The following BLM variants were observed in gnomAD, a reference collection of about 807,000 sequenced individuals.
BLM encodes the protein BLM RecQ like helicase, also known as recQ-like DNA helicase BLM.
Under a neutral mutation model 135.3 loss-of-function variants are expected in BLM, and 95 were observed. The ratio of observed to expected loss-of-function variants is 0.70; its 90% CI spans 0.59 to 0.83. The LOEUF is 0.83. Ranked by LOEUF, BLM falls within the 40% of genes least tolerant of loss-of-function variation. The probability of loss-of-function intolerance (pLI) is 0.00; values close to 1 mark genes in which losing one functional copy is unlikely to be tolerated. For synonymous variants in BLM, 520 were observed against 589.2 expected, an observed-to-expected ratio of 0.88 and a Z score of 1.70; for missense variants, 1,518 against 1,663.9, an observed-to-expected ratio of 0.91 and a Z score of 1.53.
At position 90,749,813 on chromosome 15, in the gene BLM, C is replaced by G. The variant is rs749838731; in HGVS notation, c.545C>G (p.Thr182Ser). The change falls in exon 3 of 22, where the codon ACT becomes AGT. Residue 182 changes from threonine (T) to serine (S), a missense_variant. By Grantham distance (58) the Thr-to-Ser change is moderately conservative. Coordinates refer to ENST00000355112, the MANE Select transcript of BLM (RefSeq NM_000057.4). ...CAAAGTCACTTTGTAAGAGTAAGCA[C>G]TGCTCAGAAATCAAAAAAGGGTAAG... Reference protein sequence around the residue: ...PPQSHFVRVSTAQKSKKGKRN... With the variant: ...PPQSHFVRVSSAQKSKKGKRN... 1 of 1,601,670 alleles carries G rather than the reference C, an allele frequency of 6.2e-7. No homozygotes were observed. The highest frequency in any genetic ancestry group is 1.1e-5 in the South Asian group (1 of 89,152).
At chr15:90,795,364 C>G (rs1897004754) in intron 16 of BLM, among the ~76,000 whole-genome samples, 1 of 152,164 alleles carries the variant, frequency 6.6e-6, no homozygotes, top group African/African-American at 2.4e-5. Context: ...CCTGTAATCC[C>G]AGCTACTTGG....
In BLM at chr15:90,764,135, A is replaced by AT. The variant is rs796848988; in HGVS notation, c.2074+988dup. Among the ~76,000 whole-genome samples, 296 of 148,758 alleles carry AT rather than the reference A, an allele frequency of 2.0e-3. 2 individuals carry two copies. The highest frequency in any genetic ancestry group is 5.9e-3 in the African/African-American group (241 of 40,610). The stretch of plus-strand genomic sequence containing the variant: ...ACCTTGGCAATGATCTAATCCATTG[A>AT]TTTTTTTTTTCCAGGGCTTCCCATT... On this transcript the variant is annotated intron_variant, in intron 8 of 21. Transcript: ENST00000355112.
At position 90,751,936 on chromosome 15, in the gene BLM, A is replaced by G; in HGVS notation, c.949A>G (p.Lys317Glu). 6.2e-7 allele frequency: 1 copy of G among 1,611,436 alleles called. No homozygotes were observed. Residue 317 changes from lysine (K) to glutamate (E), a missense_variant, in exon 4 of 22, where the codon AAA becomes GAA. Physicochemically the swap from Lys to Glu is moderately conservative, Grantham distance 56. Coordinates refer to ENST00000355112, the MANE Select transcript of BLM (RefSeq NM_000057.4). ...EIISASSSSSKCLSTLKDLDT... is the reference protein window; with the variant it reads ...EIISASSSSSECLSTLKDLDT... ...TATTTCTGCTTCTTCTTCCTCTTCA[A>G]AATGCCTTAGGTAAACTAGCTAAAT...
intron 8 of BLM, among the ~76,000 whole-genome samples, chr15:90,763,833 TA>T (rs1216707475): frequency 6.6e-6 from 1 of 152,238 alleles, no homozygotes; most frequent in Non-Finnish European, 1.5e-5. Context: ...ATGAGAATAT[TA>T]AATCAACAGG....
chr15:90,769,261 C>T (rs1339695685), intron 11 of BLM, 30 bp downstream of exon 11: 2 of 1,562,458 alleles, frequency 1.3e-6, no homozygotes, highest in South Asian at 1.1e-5. Flanking sequence ...TCCGGAAATA[C>T]CGATAAATAC....
intron 12 of BLM, among the ~76,000 whole-genome samples, chr15:90,782,040 A>G (rs1436504657): frequency 2.6e-5 from 4 of 152,040 alleles, no homozygotes; most frequent in Non-Finnish European, 5.9e-5. Context: ...CCTTAGCCTT[A>G]CTTCCATTTC....
intron 21 of BLM, among the ~76,000 whole-genome samples, 181 bp from the exon 22 acceptor site, chr15:90,814,921 G>T (rs1439154890): frequency 6.6e-6 from 1 of 152,078 alleles, no homozygotes; most frequent in Non-Finnish European, 1.5e-5. Flanking sequence ...GAAGGGCCGC[G>T]GTCCTTTATT....
intron 5 of BLM, chr15:90,755,365 G>A: frequency 5.5e-6 from 1 of 182,994 alleles, no homozygotes; most frequent in Non-Finnish European, 1.1e-5. Flanking sequence ...AACTCTCCTT[G>A]CTAGAAATTG....
intron 1 of BLM, among the ~76,000 whole-genome samples, chr15:90,739,159 G>T (rs1044963444): frequency 6.6e-5 from 10 of 152,154 alleles, no homozygotes; most frequent in Non-Finnish European, 1.2e-4. Flanking sequence ...CCTTTGGGAG[G>T]CTGAGACAGG....
intron 1 of BLM, among the ~76,000 whole-genome samples, chr15:90,735,921 A>G (rs1895202653): frequency 6.6e-6 from 1 of 152,214 alleles, no homozygotes; most frequent in Non-Finnish European, 1.5e-5. Flanking sequence ...CTAAATTGAG[A>G]GAAAAAAATA....
rs571074638 is a variant in BLM, at chr15:90,752,796, G to T, written c.959+850G>T. Among the ~76,000 whole-genome samples, 4 of 152,290 alleles carry T rather than the reference G, an allele frequency of 2.6e-5. No homozygotes were observed. The South Asian group carries it at 8.3e-4, about 32-fold the overall frequency. Reference sequence around the variant, plus strand: ...GTCTCACTCTCAGACCAGTTGAGTGGTAGAGTATAGTATATACTAAACTGA... The same window carrying T: ...GTCTCACTCTCAGACCAGTTGAGTGTTAGAGTATAGTATATACTAAACTGA... On this transcript the variant is annotated intron_variant, in intron 4 of 21. Coordinates refer to ENST00000355112, the MANE Select transcript of BLM (RefSeq NM_000057.4).
In BLM at chr15:90,769,242, T is replaced by A. The variant is rs1896228357; in HGVS notation, c.2406+11T>A. 6.3e-7 allele frequency: 1 copy of A among 1,595,366 alleles called. No individual in the cohort carries two copies. The stretch of plus-strand genomic sequence containing the variant: ...CATTGTGTCAGTCAGGTAAATACTG[T>A]TTTTTATATCCGGAAATACCGATAA... On this transcript the variant is annotated intron_variant, in intron 11 of 21. Coordinates refer to ENST00000355112, the MANE Select transcript of BLM (RefSeq NM_000057.4).
At chr15:90,805,265 GTTATATA>G (rs1266021773) in intron 19 of BLM, among the ~76,000 whole-genome samples, 211 of 60,080 alleles carry the variant, frequency 3.5e-3, no homozygotes, top group African/African-American at 7.3e-3. Context: ...CCCTATGTAT[GTTATATA>G]TGGTATAATT....
chr15:90,751,655 G>T, intron 3 of BLM, 132 bp from the exon 4 acceptor site: 1 of 716,402 alleles, frequency 1.4e-6, no homozygotes, highest in South Asian at 1.7e-5. Context: ...GCATGTAAAG[G>T]GAGAGGATCC....
intron 1 of BLM, among the ~76,000 whole-genome samples, chr15:90,721,569 C>T (rs544213323): frequency 6.6e-6 from 1 of 152,158 alleles, no homozygotes; most frequent in Admixed American, 6.5e-5. Flanking sequence ...GTGATCTACC[C>T]ACTTTGGCTT....
At position 90,794,249 on chromosome 15, in the gene BLM, G is replaced by A. The variant is rs2227933; in HGVS notation, c.3102G>A (p.Thr1034=). The stretch of plus-strand genomic sequence containing the variant: ...TGGTACATTACTGTGAAAATATAAC[G>A]GAATGCAGGAGAATACAGCTTTTGG... ...YSMVHYCENI[T]ECRRIQLLAY... The change falls in exon 16 of 22, where the codon ACG becomes ACA. Residue 1034 remains threonine, a synonymous_variant. Coordinates refer to ENST00000355112, the MANE Select transcript of BLM (RefSeq NM_000057.4). 274,818 of 1,604,120 alleles carry A rather than the reference G, an allele frequency of 0.17. 24,300 individuals carry two copies. The highest frequency in any genetic ancestry group is 0.18 in the African/African-American group (13,781 of 74,764).
intron 1 of BLM, among the ~76,000 whole-genome samples, chr15:90,727,997 T>C (rs1894962079): frequency 6.6e-6 from 1 of 152,348 alleles, no homozygotes; most frequent in South Asian, 2.1e-4. Context: ...GTGGTTCATA[T>C]GATTGTTTCC....
chr15:90,804,366 A>G lies in BLM; in HGVS notation c.3751+7A>G. 1 of 1,610,978 alleles carries G rather than the reference A, an allele frequency of 6.2e-7. No individual in the cohort carries two copies. Among genetic ancestry groups the G allele is most frequent in the African/African-American group, 1.3e-5 (1 of 74,990 alleles). On this transcript the variant is annotated splice_region_variant and intron_variant, in intron 19 of 21. Coordinates refer to ENST00000355112, the MANE Select transcript of BLM (RefSeq NM_000057.4). ...ACTCTCAAGAAGCTTGCAGGTGGGTACACATGTATCCTTTGTTACGTGGCA... is the reference window on the plus strand; with the variant it reads ...ACTCTCAAGAAGCTTGCAGGTGGGTGCACATGTATCCTTTGTTACGTGGCA...
intron 2 of BLM, among the ~76,000 whole-genome samples, chr15:90,749,086 C>T (rs1895590209): frequency 6.6e-6 from 1 of 152,090 alleles, no homozygotes; most frequent in African/African-American, 2.4e-5. Flanking sequence ...ATGCTGTCAC[C>T]CCGCTCTGGA....
Sources: gnomAD v4.1 joint callset for allele counts (sites outside exome capture counted in the v4.1 genomes callset) on GRCh38, gnomAD v4.1.1 for gene constraint, MANE v1.5 for transcripts, NCBI Gene and HGNC (gene_info 2026-07-23, HGNC 2026-07-21) for gene names.